The following DCC variants were observed in gnomAD, a reference collection of about 807,000 sequenced individuals.
DCC encodes the protein netrin receptor DCC.
In DCC, 58 loss-of-function variants were observed where a neutral mutation model predicts 172.5. The observed-to-expected ratio is 0.34, with a 90% CI of 0.27 to 0.42. The LOEUF (loss-of-function observed/expected upper bound fraction) is 0.42. Ranked by LOEUF, DCC falls within the 10% of genes least tolerant of loss-of-function variation. The probability of loss-of-function intolerance (pLI) is 1.00; values close to 1 mark genes in which losing one functional copy is unlikely to be tolerated. For synonymous variants in DCC, 709 were observed against 644.5 expected (o/e 1.10, Z -1.52); for missense variants, 1,740 against 1,791.0 (o/e 0.97, Z 0.51).
chr18:53,484,023 T>G (rs1226305729), intron 25 of DCC, among the ~76,000 whole-genome samples: 1 of 151,744 alleles, frequency 6.6e-6, no homozygotes, highest in Non-Finnish European at 1.5e-5. Flanking sequence ...ATAGTGTGTG[T>G]GTATATATAT....
intron 8 of DCC, among the ~76,000 whole-genome samples, chr18:53,162,975 G>A (rs762141832): frequency 2.9e-4 from 44 of 152,176 alleles, no homozygotes; most frequent in Non-Finnish European, 5.7e-4. Context: ...TGCCTTAGCT[G>A]AAATGTCAAC....
intron 7 of DCC, among the ~76,000 whole-genome samples, chr18:53,106,870 G>C (rs1020666582): frequency 1.3e-5 from 2 of 151,892 alleles, no homozygotes; most frequent in African/African-American, 4.8e-5. Context: ...TCTACTACAA[G>C]AATGCCTGAT....
intron 3 of DCC, among the ~76,000 whole-genome samples, chr18:52,921,705 A>T (rs4939713): frequency 0.065 from 9,552 of 146,706 alleles, 345 homozygotes; most frequent in Middle Eastern, 0.11. Context: ...TCAAAAATAA[A>T]AATAATAATA....
At chr18:52,953,663 C>T (rs1276385074) in intron 5 of DCC, among the ~76,000 whole-genome samples, 2 of 152,204 alleles carry the variant, frequency 1.3e-5, no homozygotes, top group Non-Finnish European at 2.9e-5. Context: ...CAGAAAGCTT[C>T]CTGCCAGGCG....
intron 1 of DCC, among the ~76,000 whole-genome samples, chr18:52,662,942 A>G (rs1004057428): frequency 1.3e-5 from 2 of 152,148 alleles, no homozygotes; most frequent in African/African-American, 2.4e-5. Context: ...GGGCTCCACA[A>G]TGATGACCCA....
At chr18:53,126,001 G>A (rs1187794255) in intron 7 of DCC, among the ~76,000 whole-genome samples, 1 of 152,104 alleles carries the variant, frequency 6.6e-6, no homozygotes, top group African/African-American at 2.4e-5. Context: ...GTTGCGTGAG[G>A]ATATGTGAAT....
chr18:53,222,882 T>C (rs536594229), intron 12 of DCC, among the ~76,000 whole-genome samples: 110 of 152,304 alleles, frequency 7.2e-4, no homozygotes, highest in African/African-American at 2.5e-3. Flanking sequence ...AATGTCATTG[T>C]AACATTACAA....
In DCC at chr18:52,813,106, G is replaced by A. The variant is rs187432333; in HGVS notation, c.412+60732G>A. On this transcript the variant is annotated intron_variant, in intron 2 of 28. Coordinates refer to ENST00000442544, the MANE Select transcript of DCC (RefSeq NM_005215.4). The stretch of plus-strand genomic sequence containing the variant: ...AAATAAAATGATGTGAACTTTCCTT[G>A]GTTCTGAAATAAAGTTGAACTTAAT... 2.0e-5 allele frequency among the ~76,000 whole-genome samples: 3 copies of A among 152,194 alleles called. No homozygotes were observed. In the East Asian group the frequency reaches 5.8e-4, roughly 29 times the overall value.
chr18:52,389,233 G>T (rs889082837), intron 1 of DCC, among the ~76,000 whole-genome samples: 1 of 152,022 alleles, frequency 6.6e-6, no homozygotes, highest in Non-Finnish European at 1.5e-5. Context: ...AGACATTTTT[G>T]GTTGTCACAC....
At chr18:52,913,007 T>C (rs539780585) in intron 3 of DCC, among the ~76,000 whole-genome samples, 1 of 152,224 alleles carries the variant, frequency 6.6e-6, no homozygotes, top group East Asian at 1.9e-4. Flanking sequence ...GTTTATGCTG[T>C]CACACAAATC....
chr18:53,361,347 TC>T (rs941173115), intron 15 of DCC, among the ~76,000 whole-genome samples: 7 of 152,014 alleles, frequency 4.6e-5, no homozygotes, highest in East Asian at 3.9e-4. Flanking sequence ...TGTTGGACTT[TC>T]CCCCCCAATC....
At chr18:52,356,657 A>G (rs1393760139) in intron 1 of DCC, among the ~76,000 whole-genome samples, 2 of 152,172 alleles carry the variant, frequency 1.3e-5, no homozygotes, top group East Asian at 1.9e-4. Context: ...TTCATCTCTC[A>G]ATACCTCTAT....
At chr18:53,037,938 A>G (rs2042118445) in intron 5 of DCC, among the ~76,000 whole-genome samples, 3 of 152,026 alleles carry the variant, frequency 2.0e-5, no homozygotes, top group South Asian at 4.1e-4. Flanking sequence ...ACAGAAGAGT[A>G]AAAATAAGCA....
At chr18:53,456,236 G>A (rs1239762976) in intron 23 of DCC, among the ~76,000 whole-genome samples, 2 of 152,190 alleles carry the variant, frequency 1.3e-5, no homozygotes, top group African/African-American at 4.8e-5. Context: ...GATTTTGAAG[G>A]CACTGTGGGC....
chr18:53,020,769 T>C (rs1187387722), intron 5 of DCC, among the ~76,000 whole-genome samples: 1 of 151,974 alleles, frequency 6.6e-6, no homozygotes, highest in East Asian at 1.9e-4. Flanking sequence ...TAAGTCAGAG[T>C]CCCTGTCCCC....
intron 2 of DCC, among the ~76,000 whole-genome samples, chr18:52,898,192 C>T (rs905154406): frequency 1.3e-5 from 2 of 152,190 alleles, no homozygotes; most frequent in Admixed American, 1.3e-4. Context: ...TTTCCAACCC[C>T]AAGGTCTGTC....
intron 1 of DCC, among the ~76,000 whole-genome samples, chr18:52,600,544 C>T (rs2033995775): frequency 6.6e-6 from 1 of 152,104 alleles, no homozygotes; most frequent in Non-Finnish European, 1.5e-5. Context: ...ACTAAAAGCT[C>T]ATTGGATTTT....
intron 13 of DCC, among the ~76,000 whole-genome samples, chr18:53,309,783 A>G (rs371425821): frequency 6.6e-6 from 1 of 152,014 alleles, no homozygotes; most frequent in Admixed American, 6.6e-5. Context: ...AAGAATTTGG[A>G]TCCAAAATAT....
At chr18:52,693,958 A>T (rs1222385945) in intron 1 of DCC, among the ~76,000 whole-genome samples, 1 of 152,184 alleles carries the variant, frequency 6.6e-6, no homozygotes, top group African/African-American at 2.4e-5. Flanking sequence ...TGTGGGCAGG[A>T]CTTAGTGACT....
Sources: gnomAD v4.1 joint callset for allele counts (sites outside exome capture counted in the v4.1 genomes callset) on GRCh38, gnomAD v4.1.1 for gene constraint, MANE v1.5 for transcripts, NCBI Gene and HGNC (gene_info 2026-07-23, HGNC 2026-07-21) for gene names.